Variants in IL1RAPL1 observed in about 807,000 individuals in gnomAD.
IL1RAPL1 encodes the protein interleukin 1 receptor accessory protein like 1.
IL1RAPL1 carries 3 observed loss-of-function variants against 48.4 expected under a neutral mutation model. That is an observed-to-expected ratio of 0.06 (90% CI 0.03 to 0.16). The LOEUF (loss-of-function observed/expected upper bound fraction) is 0.16. Among genes scored for constraint, IL1RAPL1 ranks in the 10% least tolerant of loss-of-function variants. The pLI is 1.00. For synonymous variants in IL1RAPL1, 185 were observed against 187.7 expected (o/e 0.99, Z 0.12); for missense variants, 349 against 530.6 (o/e 0.66, Z 3.36).
intron 1 of IL1RAPL1, among the ~76,000 whole-genome samples, chrX:28,611,190 G>A (rs1934143166): frequency 8.9e-6 from 1 of 111,813 alleles, no homozygotes; most frequent in African/African-American, 3.3e-5. Flanking sequence ...GAGCAAATCA[G>A]TATCTTAAGG....
intron 2 of IL1RAPL1, among the ~76,000 whole-genome samples, chrX:29,208,184 T>C (rs756301167): frequency 4.5e-5 from 5 of 111,760 alleles, no homozygotes; most frequent in South Asian, 3.7e-4. Flanking sequence ...AACTCTGGTT[T>C]GTCAGTGGTG....
At chrX:29,613,833 G>C (rs1267610414) in intron 5 of IL1RAPL1, among the ~76,000 whole-genome samples, 1 of 98,359 alleles carries the variant, frequency 1.0e-5, no homozygotes, top group Non-Finnish European at 2.0e-5. Flanking sequence ...GCGCAATCTC[G>C]GCTCACTGCA....
At chrX:28,975,315 G>A (rs767449056) in intron 2 of IL1RAPL1, among the ~76,000 whole-genome samples, 1 of 111,699 alleles carries the variant, frequency 9.0e-6, no homozygotes, top group African/African-American at 3.3e-5. Flanking sequence ...GCAAATGCTT[G>A]CCCCCTCTGT....
intron 3 of IL1RAPL1, among the ~76,000 whole-genome samples, chrX:29,390,178 T>C (rs2147681604): frequency 8.9e-6 from 1 of 112,197 alleles, no homozygotes; most frequent in Non-Finnish European, 1.9e-5. Context: ...ACACTTTATG[T>C]TTACAACTAA....
rs1932821976 is a variant in IL1RAPL1, at chrX:29,323,724, T to TATATATAATATATATATATATAAA, written c.362+40514_362+40515insATATATATATATATAAAATATATA. ...TCATACTGAATTTTTTATATATATA[T>TATATATAATATATATATATATAAA]ATATATATATATATATATATATATA... On this transcript the variant is annotated intron_variant, in intron 3 of 10. Coordinates refer to ENST00000378993, the MANE Select transcript of IL1RAPL1 (RefSeq NM_014271.4). Among the ~76,000 whole-genome samples, 7 of 3,484 alleles carry TATATATAATATATATATATATAAA rather than the reference T, an allele frequency of 2.0e-3. 3 individuals carry two copies. The highest frequency in any genetic ancestry group is 0.011 in the African/African-American group (7 of 624). 3.0% of individuals were successfully genotyped at this position (3,484 alleles called of 115,157 possible).
At chrX:28,809,901 G>T (rs1446084161) in intron 2 of IL1RAPL1, among the ~76,000 whole-genome samples, 2 of 107,627 alleles carry the variant, frequency 1.9e-5, no homozygotes, top group African/African-American at 3.4e-5. Context: ...GACTGGTTCG[G>T]GTACAGTTTG....
intron 2 of IL1RAPL1, among the ~76,000 whole-genome samples, chrX:29,204,999 A>G (rs1930634516): frequency 8.9e-6 from 1 of 112,147 alleles, no homozygotes. Flanking sequence ...GTAGCATTGA[A>G]CTTTTTCAGG....
intron 2 of IL1RAPL1, among the ~76,000 whole-genome samples, chrX:29,109,094 G>A (rs906931810): frequency 2.0e-4 from 22 of 111,028 alleles, no homozygotes; most frequent in African/African-American, 6.2e-4. Context: ...TTTGAAAAAC[G>A]TAGGAGGAGA....
intron 2 of IL1RAPL1, among the ~76,000 whole-genome samples, chrX:29,190,241 TA>T (rs1930326203): frequency 8.9e-6 from 1 of 112,269 alleles, no homozygotes; most frequent in Non-Finnish European, 1.9e-5. Flanking sequence ...ACTGTCAGTG[TA>T]GTTGAGAATA....
At chrX:28,890,406 T>C (rs1414794841) in intron 2 of IL1RAPL1, among the ~76,000 whole-genome samples, 1 of 111,654 alleles carries the variant, frequency 9.0e-6, no homozygotes, top group Non-Finnish European at 1.9e-5. Context: ...ATAGAACAAT[T>C]TATTTTACTT....
chrX:28,921,940 A>C (rs1282768932), intron 2 of IL1RAPL1, among the ~76,000 whole-genome samples: 1 of 111,500 alleles, frequency 9.0e-6, no homozygotes, highest in Non-Finnish European at 1.9e-5. Flanking sequence ...CAGGCCTTGT[A>C]CTTTTGAGAT....
chrX:29,385,792 C>T (rs1321747293), intron 3 of IL1RAPL1, among the ~76,000 whole-genome samples: 1 of 112,125 alleles, frequency 8.9e-6, no homozygotes, highest in Non-Finnish European at 1.9e-5. Context: ...TTGGGTGTTG[C>T]TGCTATGAAT....
At chrX:29,333,413 C>A (rs1202595822) in intron 3 of IL1RAPL1, among the ~76,000 whole-genome samples, 2 of 99,630 alleles carry the variant, frequency 2.0e-5, no homozygotes, top group Admixed American at 2.0e-4. Flanking sequence ...GGGCTGACCC[C>A]CCCACCTCCC....
At chrX:29,057,513 G>A (rs1602034437) in intron 2 of IL1RAPL1, among the ~76,000 whole-genome samples, 1 of 108,555 alleles carries the variant, frequency 9.2e-6, no homozygotes, top group African/African-American at 3.4e-5. Context: ...CTGCAACCTC[G>A]GCCTCCTGGG....
intron 1 of IL1RAPL1, among the ~76,000 whole-genome samples, chrX:28,721,769 G>C (rs1389559897): frequency 9.0e-6 from 1 of 110,911 alleles, no homozygotes; most frequent in Non-Finnish European, 1.9e-5. Context: ...ATTAATTTTT[G>C]TATAAGGTGT....
chrX:29,218,461 G>C (rs1346833256), intron 2 of IL1RAPL1, among the ~76,000 whole-genome samples: 4 of 111,636 alleles, frequency 3.6e-5, no homozygotes, highest in Non-Finnish European at 7.5e-5. Context: ...AATATTTATA[G>C]CATCCCAGAG....
intron 5 of IL1RAPL1, among the ~76,000 whole-genome samples, chrX:29,410,394 G>A (rs1209816707): frequency 9.2e-6 from 1 of 108,229 alleles, no homozygotes; most frequent in Admixed American, 9.9e-5. Flanking sequence ...CTGGGAGATG[G>A]AGGTTGCAGT....
At chrX:29,754,169 T>A (rs1030035930) in intron 6 of IL1RAPL1, among the ~76,000 whole-genome samples, 6 of 111,862 alleles carry the variant, frequency 5.4e-5, no homozygotes, top group Non-Finnish European at 1.1e-4. Flanking sequence ...TTAGGCAAGA[T>A]CTTTTTCTTG....
intron 1 of IL1RAPL1, among the ~76,000 whole-genome samples, chrX:28,755,751 A>G (rs1936098238): frequency 8.9e-6 from 1 of 111,967 alleles, no homozygotes; most frequent in African/African-American, 3.2e-5. Flanking sequence ...TAATTCAGCC[A>G]AATTTTCTTT....
Sources: allele counts gnomAD v4.1 joint callset (sites outside exome capture counted in the v4.1 genomes callset), GRCh38; gene constraint gnomAD v4.1.1; transcripts MANE v1.5; gene names NCBI Gene and HGNC (gene_info 2026-07-23, HGNC 2026-07-21).